The following ILDR2 variants were observed in gnomAD, a reference collection of about 807,000 sequenced individuals.
The protein encoded by ILDR2 is immunoglobulin-like domain-containing receptor 2.
Under a neutral mutation model 66.8 loss-of-function variants are expected in ILDR2, and 25 were observed. The ratio of observed to expected loss-of-function variants is 0.37; its 90% CI spans 0.27 to 0.52. The LOEUF (loss-of-function observed/expected upper bound fraction) is 0.52, where lower values mean the gene tolerates loss of function less well. Ranked by LOEUF, ILDR2 falls within the 20% of genes least tolerant of loss-of-function variation. The probability of loss-of-function intolerance (pLI) is 0.88; values close to 1 mark genes in which losing one functional copy is unlikely to be tolerated. For synonymous variants in ILDR2, 367 were observed against 357.2 expected (o/e 1.03, Z -0.31); for missense variants, 827 against 876.8 (o/e 0.94, Z 0.72).
chr1:166,951,860 T>C (rs1014250543), intron 3 of ILDR2, among the ~76,000 whole-genome samples: 3 of 152,190 alleles, frequency 2.0e-5, no homozygotes, highest in African/African-American at 7.2e-5. Context: ...TTTCCAAAAA[T>C]TGTTATTTAC....
rs745399655 is a variant in ILDR2, at chr1:166,920,772, C to A, written c.1819G>T (p.Gly607Cys). The A allele has an allele frequency of 3.3e-6, 5 of 1,495,612 alleles. No individual in the cohort carries two copies. The highest frequency in any genetic ancestry group is 2.7e-5 in the East Asian group (1 of 36,558). The allele number at this position is 1,495,612 out of a possible 1,614,324, so 92.6% of individuals were successfully genotyped here. The change falls in exon 9 of 10, where the codon GGC (glycine) becomes TGC (cysteine). Residue 607 changes from glycine (G) to cysteine (C), a missense_variant. Physicochemically the swap from Gly to Cys is radical, Grantham distance 159. Around this residue, in one of 2 missense-constraint regions of ILDR2, gnomAD observed 390 missense variants for 353.6 expected, o/e 1.10. Coordinates refer to ENST00000271417, the MANE Select transcript of ILDR2 (RefSeq NM_199351.3). ...TTGCTGTGGTAGGGCAGGTCGCGGC[C>A]GCGGTAGGACGGGCCGCGGGTCAGC... ...LELTRGPSYRGRDLPYHSNSE... is the reference protein window; with the variant it reads ...LELTRGPSYRCRDLPYHSNSE...
In ILDR2 at chr1:166,917,857, T is replaced by C. The variant is rs933939439; in HGVS notation, c.*1498A>G. 4 of 152,204 alleles carry C rather than the reference T, an allele frequency of 2.6e-5. No homozygotes were observed. The highest frequency in any genetic ancestry group is 9.7e-5 in the African/African-American group (4 of 41,438). The allele number at this position is 152,204 out of a possible 1,614,324, so 9.4% of individuals were successfully genotyped here. ...GGGTGACAAGGGTAACTGGGCCCTTTTCTTTTGTCATGCAGCAGGATAGTC... is the reference window on the plus strand; with the variant it reads ...GGGTGACAAGGGTAACTGGGCCCTTCTCTTTTGTCATGCAGCAGGATAGTC... On this transcript the variant is annotated 3_prime_UTR_variant, in exon 10 of 10. Coordinates refer to ENST00000271417, the MANE Select transcript of ILDR2 (RefSeq NM_199351.3).
chr1:166,970,649 G>A (rs1213198393), intron 1 of ILDR2, among the ~76,000 whole-genome samples: 2 of 152,164 alleles, frequency 1.3e-5, no homozygotes, highest in African/African-American at 4.8e-5. Context: ...TAAGCACTAG[G>A]TACTTGCACC....
rs958416147 is a variant in ILDR2 at position 166,916,108 on chromosome 1, C to G, written c.*3247G>C. 2 of 152,506 alleles carry G rather than the reference C, an allele frequency of 1.3e-5. No individual in the cohort carries two copies. The highest frequency in any genetic ancestry group is 2.9e-5 in the Non-Finnish European group (2 of 68,258). The allele number at this position is 152,506 out of a possible 1,614,324, so 9.4% of individuals were successfully genotyped here. ...CCTCCCTGCCACCTGCATCCACACT[C>G]CCTCCTCCAGCGTGTTCCTGACTCA... On this transcript the variant is annotated 3_prime_UTR_variant, in exon 10 of 10. Transcript: ENST00000271417.
Position 166,936,798 on chromosome 1 carries a change from TTTGA to T in ILDR2, c.557-65_557-62del. 1 of 1,547,732 alleles carries T rather than the reference TTTGA, an allele frequency of 6.5e-7. No homozygotes were observed. The highest frequency in any genetic ancestry group is 1.1e-5 in the South Asian group (1 of 88,170). ...AGCCCACCTCCAGGGCAGGGTGCACTTTGATTGGCATCTCCCGGTGAAAGGGGGA... is the reference window on the plus strand; with the variant it reads ...AGCCCACCTCCAGGGCAGGGTGCACTTTGGCATCTCCCGGTGAAAGGGGGA... On this transcript the variant is annotated intron_variant, in intron 4 of 9. Transcript: ENST00000271417. The surrounding 1 kb of genome is among the most constrained non-coding windows in gnomAD (Gnocchi z 5.0).
At chr1:166,920,385 A>T (rs1438708989) in intron 9 of ILDR2, among the ~76,000 whole-genome samples, 2 of 152,136 alleles carry the variant, frequency 1.3e-5, no homozygotes, top group Non-Finnish European at 2.9e-5. Flanking sequence ...GGCTCCCGAG[A>T]TCCCTGATGC....
At chr1:166,932,976 A>G (rs1353970521) in intron 6 of ILDR2, among the ~76,000 whole-genome samples, 2 of 152,180 alleles carry the variant, frequency 1.3e-5, no homozygotes, top group Non-Finnish European at 2.9e-5. Context: ...CACTATCACT[A>G]ACACTCCCCA....
Position 166,956,828 on chromosome 1 carries a change from A to T in ILDR2, c.404T>A (p.Leu135His). 6.2e-7 allele frequency: 1 copy of T among 1,613,894 alleles called. No homozygotes were observed. Among genetic ancestry groups the T allele is most frequent in the Non-Finnish European group, 8.5e-7 (1 of 1,179,872 alleles). The stretch of plus-strand genomic sequence containing the variant: ...ATAGAGTCCGCTGTCTCCCCACATA[A>T]GCTTTCCAATTTGAAGATCTGCATC... ...VHDADLQIGK[L>H]MWGDSGLYYC... is the part of the protein sequence containing the mutation. Residue 135 changes from leucine (L) to histidine (H), a missense_variant, in exon 3 of 10, where the codon CTT becomes CAT. Around this residue, in one of 2 missense-constraint regions of ILDR2, gnomAD observed 437 missense variants for 523.2 expected, o/e 0.84. Transcript: ENST00000271417.
At position 166,912,991 on chromosome 1, in the gene ILDR2, A is replaced by G. The variant is rs1404275933; in HGVS notation, c.*6364T>C. 1 of 152,130 alleles carries G rather than the reference A, an allele frequency of 6.6e-6. No homozygotes were observed. Among genetic ancestry groups the G allele is most frequent in the Non-Finnish European group, 1.5e-5 (1 of 68,030 alleles). The allele number at this position is 152,130 out of a possible 1,614,324, so 9.4% of individuals were successfully genotyped here. On this transcript the variant is annotated 3_prime_UTR_variant, in exon 10 of 10. Coordinates refer to ENST00000271417, the MANE Select transcript of ILDR2 (RefSeq NM_199351.3). ...TGGAGAGCAGTAAGAGTGACAACAG[A>G]ATTTATCTAGCTTATTACAATCTGT...
chr1:166,909,776 T>TATAA lies in ILDR2; in HGVS notation c.*9578_*9579insTTAT, dbSNP rs1406641873. 461 of 29,244 alleles carry TATAA rather than the reference T, an allele frequency of 0.016. 3 individuals carry two copies. Among genetic ancestry groups the TATAA allele is most frequent in the African/African-American group, 0.032 (215 of 6,636 alleles). The allele number at this position is 29,244 out of a possible 1,614,324, so 1.8% of individuals were successfully genotyped here. A position where few individuals can be genotyped will look rare whatever the true frequency, so the allele number is the denominator to read the frequency against. ...ATATATATAAATATATATAAATATA[T>TATAA]ATATTTATATATATATATATATATA... On this transcript the variant is annotated 3_prime_UTR_variant, in exon 10 of 10. Coordinates refer to ENST00000271417, the MANE Select transcript of ILDR2 (RefSeq NM_199351.3).
intron 6 of ILDR2, among the ~76,000 whole-genome samples, chr1:166,932,389 A>G (rs922397955): frequency 6.6e-6 from 1 of 152,224 alleles, no homozygotes; most frequent in African/African-American, 2.4e-5. Context: ...TGTGAAGAAG[A>G]GTAAAGGGAC....
chr1:166,969,585 C>A (rs1663160505), intron 1 of ILDR2, among the ~76,000 whole-genome samples: 1 of 152,170 alleles, frequency 6.6e-6, no homozygotes, highest in Admixed American at 6.5e-5. Context: ...TGCTGGAGTC[C>A]TCTTCATTCG....
chr1:166,920,084 AAG>A (rs1249717875), intron 9 of ILDR2, among the ~76,000 whole-genome samples: 1 of 152,222 alleles, frequency 6.6e-6, no homozygotes, highest in East Asian at 1.9e-4. Flanking sequence ...AAGTCTATAT[AAG>A]ACCACTTACA....
chr1:166,945,800 A>C (rs1189502706), intron 3 of ILDR2, among the ~76,000 whole-genome samples: 4 of 152,160 alleles, frequency 2.6e-5, no homozygotes, highest in African/African-American at 9.7e-5. Context: ...AGTTACCTCC[A>C]TTTCTTTAAA....
At position 166,916,176 on chromosome 1, in the gene ILDR2, C is replaced by T. The variant is rs536899628; in HGVS notation, c.*3179G>A. 6.6e-6 allele frequency: 1 copy of T among 152,354 alleles called. No homozygotes were observed. Among genetic ancestry groups the T allele is most frequent in the Admixed American group, 6.5e-5 (1 of 15,298 alleles). The allele number at this position is 152,354 out of a possible 1,614,324, so 9.4% of individuals were successfully genotyped here. A position where few individuals can be genotyped will look rare whatever the true frequency, so the allele number is the denominator to read the frequency against. Reference sequence around the variant, plus strand: ...AGCACAGCAGCTTATGCATCATCCCCCTGGGACCCCTGCTGCTCACCCTTT... The same window carrying T: ...AGCACAGCAGCTTATGCATCATCCCTCTGGGACCCCTGCTGCTCACCCTTT... On this transcript the variant is annotated 3_prime_UTR_variant, in exon 10 of 10. Transcript: ENST00000271417.
chr1:166,965,214 A>C (rs1662860714), intron 1 of ILDR2, among the ~76,000 whole-genome samples: 1 of 152,190 alleles, frequency 6.6e-6, no homozygotes, highest in Non-Finnish European at 1.5e-5. Context: ...TGGGACCAGT[A>C]GTGTTTCAGA....
rs1352296616 is a variant in ILDR2 at position 166,909,772 on chromosome 1, T to TAA, written c.*9582_*9583insTT. 8.1e-4 allele frequency: 27 copies of TAA among 33,250 alleles called. No homozygotes were observed. Among genetic ancestry groups the TAA allele is most frequent in the African/African-American group, 3.6e-3 (24 of 6,604 alleles). 2.1% of individuals were successfully genotyped at this position (33,250 alleles called of 1,614,324 possible). On this transcript the variant is annotated 3_prime_UTR_variant, in exon 10 of 10. Coordinates refer to ENST00000271417, the MANE Select transcript of ILDR2 (RefSeq NM_199351.3). Reference sequence around the variant, plus strand: ...ATATATATATATAAATATATATAAATATATATATTTATATATATATATATA... The same window carrying TAA: ...ATATATATATATAAATATATATAAATAAATATATATTTATATATATATATATA...
At chr1:166,941,004 TG>T (rs1297960986) in intron 3 of ILDR2, among the ~76,000 whole-genome samples, 6 of 152,166 alleles carry the variant, frequency 3.9e-5, no homozygotes, top group Admixed American at 3.9e-4. Context: ...ATGCTGGAGC[TG>T]GGGTAAGATT....
Position 166,927,200 on chromosome 1 carries a change from A to C in ILDR2, c.881-20T>G. ...TGCGAACTGTTGAGAAAAGCACAAG[A>C]AGGTGAGCTGAAAAAGGAAAATATC... On this transcript the variant is annotated intron_variant, in intron 6 of 9. Transcript: ENST00000271417. 1 of 1,553,530 alleles carries C rather than the reference A, an allele frequency of 6.4e-7. No homozygotes were observed. The highest frequency in any genetic ancestry group is 8.8e-7 in the Non-Finnish European group (1 of 1,132,444).
Sources: gnomAD v4.1 joint callset for allele counts (sites outside exome capture counted in the v4.1 genomes callset) on GRCh38, gnomAD v4.1.1 for gene constraint, gnomAD v4.1.1 regional missense constraint, Gnocchi (gnomAD v3.1) non-coding constraint, MANE v1.5 for transcripts, NCBI Gene and HGNC (gene_info 2026-07-23, HGNC 2026-07-21) for gene names.